The following FAM47E variants were observed in gnomAD, a reference collection of about 807,000 sequenced individuals.
FAM47E encodes the protein protein FAM47E.
In FAM47E, 32 loss-of-function variants were observed where a neutral mutation model predicts 41.6. The ratio of observed to expected loss-of-function variants is 0.77; its 90% confidence interval spans 0.58 to 1.03. The LOEUF (loss-of-function observed/expected upper bound fraction) is 1.03, where lower values mean the gene tolerates loss of function less well. Ranked by LOEUF, FAM47E falls within the 50% of genes least tolerant of loss-of-function variation. FAM47E has a pLI of 0.00. For synonymous variants in FAM47E, 184 were observed against 188.7 expected, an observed-to-expected ratio of 0.98 and a Z score of 0.20; for missense variants, 424 against 485.4, an observed-to-expected ratio of 0.87 and a Z score of 1.19.
chr4:76,277,077 T>C lies in FAM47E; in HGVS notation c.871-992T>C, dbSNP rs572795772. 7.9e-5 allele frequency among the ~76,000 whole-genome samples: 12 copies of C among 152,300 alleles called. No homozygotes were observed. The East Asian group carries it at 2.3e-3, about 29-fold the overall frequency. ...CAGTGTGGGTATTGCATTCACAGTA[T>C]CAGTCTATGAACCAACAACAGGTTC... On this transcript the variant is annotated intron_variant, in intron 5 of 7. Coordinates refer to ENST00000424749, the MANE Select transcript of FAM47E (RefSeq NM_001136570.3).
chr4:76,227,071 G>C (rs1186311167), intron 2 of FAM47E, among the ~76,000 whole-genome samples: 1 of 151,858 alleles, frequency 6.6e-6, no homozygotes, highest in Non-Finnish European at 1.5e-5. Flanking sequence ...TGCTGGGTTT[G>C]GGTTTGGTTT....
At chr4:76,268,476 T>A in intron 3 of FAM47E, 184 bp from the exon 4 acceptor site, 1 of 571,124 alleles carries the variant, frequency 1.8e-6, no homozygotes. Flanking sequence ...ATGATATACT[T>A]GTCTTTATGA....
intron 2 of FAM47E, among the ~76,000 whole-genome samples, chr4:76,259,159 A>G (rs1441243201): frequency 6.6e-6 from 1 of 152,248 alleles, no homozygotes; most frequent in African/African-American, 2.4e-5. Context: ...TCAATTGTGT[A>G]CAATTTATGC....
intron 2 of FAM47E, among the ~76,000 whole-genome samples, chr4:76,238,988 T>C (rs1202089524): frequency 6.6e-6 from 1 of 152,196 alleles, no homozygotes; most frequent in Non-Finnish European, 1.5e-5. Context: ...AATAATACAG[T>C]ATTTGCCTTT....
intron 4 of FAM47E, 111 bp downstream of exon 4, chr4:76,268,879 A>G (rs1003533235): frequency 7.4e-7 from 1 of 1,351,880 alleles, no homozygotes; most frequent in Non-Finnish European, 1.0e-6. Context: ...TTATTAAAAA[A>G]CAGTATTGGA....
At chr4:76,237,455 A>G (rs1429409929) in intron 2 of FAM47E, among the ~76,000 whole-genome samples, 1 of 150,784 alleles carries the variant, frequency 6.6e-6, no homozygotes, top group Non-Finnish European at 1.5e-5. Flanking sequence ...ACTCAGAGTT[A>G]ATTTTAGTCC....
At chr4:76,236,673 G>A (rs1418997377) in intron 2 of FAM47E, 1 of 150,428 alleles carries the variant, frequency 6.6e-6, no homozygotes, top group Non-Finnish European at 1.5e-5. Context: ...TGAAAGTGGT[G>A]GGGTAGGGTG....
At chr4:76,219,628 G>A (rs1234059880) in intron 2 of FAM47E, among the ~76,000 whole-genome samples, 1 of 152,120 alleles carries the variant, frequency 6.6e-6, no homozygotes, top group African/African-American at 2.4e-5. Context: ...GAGAAAGGGG[G>A]GATGGAGAGT....
intron 1 of FAM47E, among the ~76,000 whole-genome samples, chr4:76,255,772 A>G (rs1578776616): frequency 2.6e-5 from 4 of 152,312 alleles, no homozygotes; most frequent in Non-Finnish European, 1.5e-5. Context: ...GGTCTTTAAA[A>G]TATAGTGCTG....
At chr4:76,267,158 T>C (rs1734675315) in intron 3 of FAM47E, among the ~76,000 whole-genome samples, 2 of 152,242 alleles carry the variant, frequency 1.3e-5, no homozygotes, top group Non-Finnish European at 2.9e-5. Flanking sequence ...TCAATTCTAA[T>C]GCCTGGCACA....
At chr4:76,265,077 AG>A (rs1475647948) in intron 3 of FAM47E, among the ~76,000 whole-genome samples, 1 of 152,160 alleles carries the variant, frequency 6.6e-6, no homozygotes, top group African/African-American at 2.4e-5. Flanking sequence ...GTGGATTTAG[AG>A]GGAATCTACT....
intron 2 of FAM47E, among the ~76,000 whole-genome samples, chr4:76,224,967 AATGCATCCTCATAGCTTAGCATCTTAT>A (rs567878896): frequency 6.4e-4 from 98 of 152,196 alleles, no homozygotes; most frequent in African/African-American, 2.2e-3. Flanking sequence ...AGAATGATAT[AATGCATCCTCATAGCTTAGCATCTTAT>A]ATGCATCCTC....
upstream of FAM47E, chr4:76,251,621 G>A (rs1353379420): frequency 3.0e-6 from 4 of 1,345,608 alleles, no homozygotes; most frequent in East Asian, 3.1e-5. Context: ...GCAGCGGGGC[G>A]TCAGAGTTGC....
At chr4:76,218,609 T>G (rs1733255569) in intron 2 of FAM47E, among the ~76,000 whole-genome samples, 1 of 152,224 alleles carries the variant, frequency 6.6e-6, no homozygotes, top group African/African-American at 2.4e-5. Context: ...TTATTTTGTT[T>G]GGGGTTATGG....
At chr4:76,253,224 G>A (rs1433024964) in intron 1 of FAM47E, among the ~76,000 whole-genome samples, 1 of 152,146 alleles carries the variant, frequency 6.6e-6, no homozygotes, top group Non-Finnish European at 1.5e-5. Flanking sequence ...TTGCTGAGTC[G>A]TGTTCCTTGG....
At chr4:76,222,111 C>T (rs114096978) in intron 2 of FAM47E, among the ~76,000 whole-genome samples, 2,567 of 152,316 alleles carry the variant, frequency 0.017, 32 homozygotes, top group Non-Finnish European at 0.026. Flanking sequence ...CAGGCCCAAT[C>T]CTTTATCTGA....
upstream of FAM47E, among the ~76,000 whole-genome samples, chr4:76,251,228 C>T (rs1733953670): frequency 6.6e-6 from 1 of 152,120 alleles, no homozygotes; most frequent in African/African-American, 2.4e-5. Context: ...CTCTGGAAAT[C>T]AGCTGGGGAC....
chr4:76,256,065 C>G, intron 1 of FAM47E, 113 bp from the exon 2 acceptor site: 1 of 1,258,338 alleles, frequency 7.9e-7, no homozygotes. Context: ...ACCCCCAACC[C>G]TAAAAGCTGG....
intron 6 of FAM47E, chr4:76,278,880 A>G (rs576327429): frequency 1.3e-5 from 2 of 152,398 alleles, no homozygotes; most frequent in African/African-American, 4.8e-5. Flanking sequence ...CAACACTTGC[A>G]TAGTACTCTA....
Sources: allele counts gnomAD v4.1 joint callset (sites outside exome capture counted in the v4.1 genomes callset), GRCh38; gene constraint gnomAD v4.1.1; transcripts MANE v1.5; gene names NCBI Gene and HGNC (gene_info 2026-07-23, HGNC 2026-07-21).